EFR3B: variants seen among roughly 807,000 people sequenced by gnomAD.
EFR3B encodes the protein protein EFR3 homolog B.
A neutral mutation model predicts 104.7 loss-of-function variants in EFR3B; 64 were observed. The ratio of observed to expected loss-of-function variants is 0.61; its 90% CI spans 0.50 to 0.75. The LOEUF (loss-of-function observed/expected upper bound fraction) is 0.75, where lower values mean the gene tolerates loss of function less well. EFR3B is among the 30% of genes least tolerant of loss of function. The pLI, the probability that EFR3B is intolerant of heterozygous loss-of-function variation, is 0.00. For missense variants in EFR3B, 750 were observed against 1,078.5 expected (o/e 0.70, Z 4.27); for synonymous variants, 385 against 417.9 (o/e 0.92, Z 0.96).
chr2:25,129,992 T>A lies in EFR3B; in HGVS notation c.653T>A (p.Leu218His), dbSNP rs766686919. ...EEAESRSPSP[L>H]QAPEKEKESP... is the part of the protein sequence containing the mutation. ...CTCCCCAGCCGGTCTCCCTCACCCC[T>A]CCAAGCACCTGAGAAGGAGAAAGAG... The change falls in exon 7 of 23, where the codon CTC becomes CAC. Residue 218 changes from leucine (L) to histidine (H), a missense_variant. Physicochemically the swap from Leu to His is moderately conservative, Grantham distance 99. Transcript: ENST00000403714. The A allele has an allele frequency of 6.4e-7, 1 of 1,551,508 alleles. No individual in the cohort carries two copies.
intron 16 of EFR3B, 114 bp downstream of exon 16, chr2:25,139,304 T>G: frequency 7.7e-7 from 1 of 1,303,018 alleles, no homozygotes; most frequent in Non-Finnish European, 1.0e-6. Context: ...GAAGACAGGG[T>G]TGAAGTAAGA....
chr2:25,118,748 A>T (rs1411210489), intron 4 of EFR3B, among the ~76,000 whole-genome samples: 1 of 147,512 alleles, frequency 6.8e-6, no homozygotes, highest in Non-Finnish European at 1.5e-5. Flanking sequence ...AAAAAAAAAA[A>T]AAAAAAAAAA....
At position 25,131,920 on chromosome 2, in the gene EFR3B, C is replaced by A; in HGVS notation, c.1147+9C>A. On this transcript the variant is annotated intron_variant, in intron 10 of 22. Transcript: ENST00000403714. The surrounding 1 kb of genome is among the most constrained non-coding windows in gnomAD (Gnocchi z 7.6). ...CGTCATCAAGACCGTGGGTGCGGCG[C>A]GGGGCCGGGCCGGGGCGGGGCGGGG... The A allele has an allele frequency of 1.9e-6, 2 of 1,078,886 alleles. No homozygotes were observed. The highest frequency in any genetic ancestry group is 2.3e-6 in the Non-Finnish European group (2 of 872,538). 66.8% of individuals were successfully genotyped at this position (1,078,886 alleles called of 1,614,324 possible).
At chr2:25,138,900 CT>C (rs1184458578) in intron 15 of EFR3B, among the ~76,000 whole-genome samples, 158 bp from the exon 16 acceptor site, 1 of 152,122 alleles carries the variant, frequency 6.6e-6, no homozygotes, top group African/African-American at 2.4e-5. Context: ...ATGAAGGTGA[CT>C]TTTTTCCCCC....
chr2:25,155,511 C>G lies in EFR3B; in HGVS notation c.*1171C>G, dbSNP rs1056571574. ...TGTTTTCCTGGTGTGCCGTCTGTGT[C>G]TCTGTGTAATGAGGATGTGCAGAGA... On this transcript the variant is annotated 3_prime_UTR_variant, in exon 23 of 23. Transcript: ENST00000403714. 2.0e-5 allele frequency: 3 copies of G among 152,194 alleles called. No homozygotes were observed. Among genetic ancestry groups the G allele is most frequent in the Admixed American group, 6.5e-5 (1 of 15,280 alleles). The allele number at this position is 152,194 out of a possible 1,614,324, so 9.4% of individuals were successfully genotyped here.
Position 25,082,221 on chromosome 2 carries a change from G to A in EFR3B, c.8-9104G>A, listed in dbSNP as rs145688611. Among the ~76,000 whole-genome samples the A allele has an allele frequency of 3.0e-3, 460 of 152,332 alleles. 2 individuals carry two copies. Among genetic ancestry groups the A allele is most frequent in the Non-Finnish European group, 4.9e-3 (330 of 68,022 alleles). ...GGTGGAGCATTTTAAACACCTCTGGGCCCTCTTCACAGCACAGGGGTCATT... is the reference window on the plus strand; with the variant it reads ...GGTGGAGCATTTTAAACACCTCTGGACCCTCTTCACAGCACAGGGGTCATT... On this transcript the variant is annotated intron_variant, in intron 1 of 22. Transcript: ENST00000403714.
In EFR3B at chr2:25,151,897, A is replaced by G. The variant is rs1203417945; in HGVS notation, c.2192-17A>G. ...AGTGAGCAGGGCCTGGCACTAACCCAGCTCTCTGTGTCGAAGTGGACAGCG... is the reference window on the plus strand; with the variant it reads ...AGTGAGCAGGGCCTGGCACTAACCCGGCTCTCTGTGTCGAAGTGGACAGCG... On this transcript the variant is annotated splice_polypyrimidine_tract_variant and intron_variant, in intron 20 of 22. Transcript: ENST00000403714. 6.4e-7 allele frequency: 1 copy of G among 1,551,344 alleles called. No homozygotes were observed. The highest frequency in any genetic ancestry group is 1.4e-5 in the African/African-American group (1 of 73,034).
intron 1 of EFR3B, chr2:25,080,672 C>T (rs112192542): frequency 9.3e-5 from 64 of 687,812 alleles, no homozygotes; most frequent in African/African-American, 5.9e-4. Flanking sequence ...CCTTTCAGGC[C>T]AATGTAGTTG....
At chr2:25,071,350 T>C (rs1668491675) in intron 1 of EFR3B, among the ~76,000 whole-genome samples, 1 of 151,066 alleles carries the variant, frequency 6.6e-6, no homozygotes, top group Non-Finnish European at 1.5e-5. Flanking sequence ...AATGTCTGCC[T>C]CCTGGGTTCA....
chr2:25,109,444 G>A (rs963175412), intron 4 of EFR3B, among the ~76,000 whole-genome samples: 4 of 152,216 alleles, frequency 2.6e-5, no homozygotes, highest in African/African-American at 4.8e-5. Context: ...ATGGTGCAGC[G>A]CCTTTGGAAA....
intron 19 of EFR3B, 116 bp from the exon 20 acceptor site, chr2:25,149,578 T>C: frequency 1.9e-6 from 2 of 1,057,418 alleles, no homozygotes; most frequent in South Asian, 1.4e-5. Flanking sequence ...AGGGACTTCC[T>C]GCCCACTGGG....
At chr2:25,082,569 C>G (rs943659892) in intron 1 of EFR3B, among the ~76,000 whole-genome samples, 2 of 152,202 alleles carry the variant, frequency 1.3e-5, no homozygotes, top group African/African-American at 4.8e-5. Flanking sequence ...TGCTAAGTGC[C>G]TCATAGACTT....
intron 5 of EFR3B, 64 bp downstream of exon 5, chr2:25,121,858 GA>G (rs1211887168): frequency 1.3e-6 from 2 of 1,546,608 alleles, no homozygotes; most frequent in African/African-American, 2.7e-5. Context: ...GGGTCCTGTA[GA>G]TAACTTCCAA....
At chr2:25,097,422 A>G (rs1477748849) in intron 3 of EFR3B, among the ~76,000 whole-genome samples, 3 of 152,182 alleles carry the variant, frequency 2.0e-5, no homozygotes, top group Non-Finnish European at 4.4e-5. Flanking sequence ...TCATGCAGAC[A>G]GGGTGAGAGG....
intron 3 of EFR3B, among the ~76,000 whole-genome samples, chr2:25,099,088 T>C (rs1215905244): frequency 1.3e-5 from 2 of 152,140 alleles, no homozygotes; most frequent in African/African-American, 4.8e-5. Flanking sequence ...CCATGCTGCC[T>C]GCCCTCATTT....
intron 12 of EFR3B, among the ~76,000 whole-genome samples, chr2:25,134,765 G>C (rs557041605): frequency 6.6e-6 from 1 of 152,194 alleles, no homozygotes; most frequent in East Asian, 1.9e-4. Context: ...TCTTTGCTGA[G>C]TTTATCCTCA....
intron 21 of EFR3B, 86 bp downstream of exon 21, chr2:25,152,106 T>A: frequency 7.3e-7 from 1 of 1,373,738 alleles, no homozygotes; most frequent in Admixed American, 2.0e-5. Flanking sequence ...TCCTAGGAGA[T>A]CTTGGCTCTT....
intron 1 of EFR3B, among the ~76,000 whole-genome samples, chr2:25,053,903 TCAAA>T (rs925863002): frequency 3.1e-4 from 47 of 152,264 alleles, no homozygotes; most frequent in African/African-American, 7.5e-4. Context: ...CGAGACTCCG[TCAAA>T]CAAACAAACA....
rs1316378670 is a variant in EFR3B, at chr2:25,114,692, G to T, written c.364-6981G>T. 6.6e-6 allele frequency among the ~76,000 whole-genome samples: 1 copy of T among 152,166 alleles called. No homozygotes were observed. Among genetic ancestry groups the T allele is most frequent in the Non-Finnish European group, 1.5e-5 (1 of 68,022 alleles). On this transcript the variant is annotated intron_variant, in intron 4 of 22. Transcript: ENST00000403714. This position sits in a 1 kb window ranked among gnomAD's most constrained non-coding sequence, Gnocchi z 4.0. ...CCAGTTCTCCCCTTCAGAGGAAGTG[G>T]CTGTCCATCCATCCAGCCTTGACGG...
Sources: gnomAD v4.1 joint callset for allele counts (sites outside exome capture counted in the v4.1 genomes callset) on GRCh38, gnomAD v4.1.1 for gene constraint, Gnocchi (gnomAD v3.1) non-coding constraint, MANE v1.5 for transcripts, NCBI Gene and HGNC (gene_info 2026-07-23, HGNC 2026-07-21) for gene names.